PDZD2: variants seen among roughly 807,000 people sequenced by gnomAD.
PDZD2 encodes PDZ domain-containing protein 2.
PDZD2 carries 90 observed loss-of-function variants against 220.7 expected under a neutral mutation model. That is an observed-to-expected ratio of 0.41 (90% CI 0.34 to 0.49). The LOEUF is 0.49. PDZD2 is among the 20% of genes least tolerant of loss of function. The probability of loss-of-function intolerance (pLI) is 0.28; values close to 1 mark genes in which losing one functional copy is unlikely to be tolerated. For missense variants in PDZD2, 3,174 were observed against 3,608.5 expected (o/e 0.88, Z 3.08); for synonymous variants, 1,375 against 1,450.5 (o/e 0.95, Z 1.18).
chr5:31,700,154 G>A (rs1046281456), intron 1 of PDZD2, among the ~76,000 whole-genome samples: 1 of 152,186 alleles, frequency 6.6e-6, no homozygotes, highest in Non-Finnish European at 1.5e-5. Context: ...GACACGAGAT[G>A]TGAGAGAGAT....
chr5:31,890,806 G>A (rs1297886956), intron 2 of PDZD2, among the ~76,000 whole-genome samples: 2 of 152,176 alleles, frequency 1.3e-5, no homozygotes, highest in South Asian at 4.1e-4. Context: ...GGTGGAAACA[G>A]TAACTCCCCT....
intron 2 of PDZD2, among the ~76,000 whole-genome samples, chr5:31,919,746 C>T (rs2330880): frequency 0.89 from 129,977 of 145,684 alleles, 58,192 homozygotes; most frequent in East Asian, 0.98. Flanking sequence ...GGCACAGTGG[C>T]TCACACCTGT....
intron 2 of PDZD2, among the ~76,000 whole-genome samples, chr5:31,803,894 C>T (rs1050810846): frequency 1.4e-4 from 21 of 151,926 alleles, no homozygotes; most frequent in African/African-American, 5.1e-4. Context: ...TTTTAATTAG[C>T]TGGGCATGGT....
At chr5:31,699,186 G>A (rs538156310) in intron 1 of PDZD2, among the ~76,000 whole-genome samples, 7 of 152,168 alleles carry the variant, frequency 4.6e-5, no homozygotes, top group African/African-American at 1.2e-4. Flanking sequence ...AACCCGTCCC[G>A]TTCATTGTGG....
chr5:31,758,925 G>A lies in PDZD2; in HGVS notation c.-360-39964G>A, dbSNP rs143459048. On this transcript the variant is annotated intron_variant, in intron 1 of 24. Coordinates refer to ENST00000438447, the MANE Select transcript of PDZD2 (RefSeq NM_178140.4). ...CTGTTCCGCACCCGCCTCCACATGC[G>A]TTCCCTGGCTACACTGTGTTCCTGG... Among the ~76,000 whole-genome samples, 42 of 152,170 alleles carry A rather than the reference G, an allele frequency of 2.8e-4. No individual in the cohort carries two copies. The East Asian group carries it at 4.5e-3, about 16-fold the overall frequency.
intron 2 of PDZD2, among the ~76,000 whole-genome samples, chr5:31,805,202 TAAATA>T (rs1754644064): frequency 2.6e-5 from 4 of 152,120 alleles, no homozygotes; most frequent in Admixed American, 1.3e-4. Context: ...TGTCTCAAAA[TAAATA>T]AAATAAAAGG....
chr5:32,060,454 AAC>A (rs1165781101), intron 13 of PDZD2, among the ~76,000 whole-genome samples: 40 of 152,312 alleles, frequency 2.6e-4, no homozygotes, highest in African/African-American at 9.6e-4. Flanking sequence ...ATTGTTGGGT[AAC>A]CTTTGAGCCT....
chr5:31,878,852 C>T (rs994631901), intron 2 of PDZD2, among the ~76,000 whole-genome samples: 8 of 151,364 alleles, frequency 5.3e-5, no homozygotes, highest in Non-Finnish European at 1.2e-4. Flanking sequence ...TGAGCCACCG[C>T]GCCGGGCCGA....
chr5:31,893,091 A>G (rs1195077514), intron 2 of PDZD2, among the ~76,000 whole-genome samples: 3 of 152,034 alleles, frequency 2.0e-5, no homozygotes, highest in African/African-American at 7.2e-5. Flanking sequence ...ATTTTTTTGG[A>G]TAATCTTGAA....
At chr5:31,710,877 T>A (rs929703629) in intron 1 of PDZD2, among the ~76,000 whole-genome samples, 2 of 150,804 alleles carry the variant, frequency 1.3e-5, no homozygotes, top group African/African-American at 4.9e-5. Context: ...GTTATGGGAA[T>A]TAAAGGTGAT....
rs2150229332 is a variant in PDZD2, at chr5:31,799,234, C to T, written c.-15C>T. ...GCAAGACCTCTGATGATGCTGGTGT[C>T]TGGGAGTGAGCACCATGCCCATCAC... On this transcript the variant is annotated 5_prime_UTR_variant, in exon 2 of 25. Coordinates refer to ENST00000438447, the MANE Select transcript of PDZD2 (RefSeq NM_178140.4). 1 of 1,553,904 alleles carries T rather than the reference C, an allele frequency of 6.4e-7. No homozygotes were observed. Among genetic ancestry groups the T allele is most frequent in the South Asian group, 1.2e-5 (1 of 83,414 alleles).
intron 2 of PDZD2, among the ~76,000 whole-genome samples, chr5:31,849,940 A>ATAAG (rs1757867418): frequency 3.2e-5 from 1 of 31,470 alleles, no homozygotes; most frequent in African/African-American, 2.3e-4. Flanking sequence ...ATACACATAT[A>ATAAG]TATATATACA....
intron 2 of PDZD2, among the ~76,000 whole-genome samples, chr5:31,976,033 C>A (rs1749738440): frequency 6.6e-6 from 1 of 151,866 alleles, no homozygotes; most frequent in Admixed American, 6.6e-5. Flanking sequence ...TCTTACTAGA[C>A]AGTATTCAGC....
intron 1 of PDZD2, among the ~76,000 whole-genome samples, chr5:31,751,727 C>G (rs987452527): frequency 6.6e-6 from 1 of 152,168 alleles, no homozygotes; most frequent in Non-Finnish European, 1.5e-5. Flanking sequence ...GCCTGCCCCC[C>G]AGTTCCTTGG....
chr5:31,893,182 A>G lies in PDZD2; in HGVS notation c.477-89973A>G, dbSNP rs185334904. 1.2e-3 allele frequency among the ~76,000 whole-genome samples: 181 copies of G among 152,236 alleles called. 3 individuals are homozygous for G. Among genetic ancestry groups the G allele is most frequent in the African/African-American group, 4.2e-3 (173 of 41,524 alleles). ...TGTTTGTGTAGGCCTTGGCAGAATC[A>G]CATCTTGGTGAAGACCATAGATAGC... is the stretch of plus-strand genomic sequence containing the variant. On this transcript the variant is annotated intron_variant, in intron 2 of 24. Coordinates refer to ENST00000438447, the MANE Select transcript of PDZD2 (RefSeq NM_178140.4).
intron 1 of PDZD2, among the ~76,000 whole-genome samples, chr5:31,760,281 A>G (rs1325129408): frequency 6.6e-6 from 1 of 152,258 alleles, no homozygotes; most frequent in East Asian, 1.9e-4. Context: ...TTGAACAACA[A>G]TGAACCAAAC....
chr5:31,781,574 A>G (rs1432892615), intron 1 of PDZD2, among the ~76,000 whole-genome samples: 1 of 152,218 alleles, frequency 6.6e-6, no homozygotes, highest in Non-Finnish European at 1.5e-5. Flanking sequence ...AGCTGCTTAA[A>G]TTCATTCAAA....
chr5:31,831,488 C>T (rs1031528483), intron 2 of PDZD2, among the ~76,000 whole-genome samples: 1 of 152,028 alleles, frequency 6.6e-6, no homozygotes, highest in African/African-American at 2.4e-5. Flanking sequence ...GTGGCTCACG[C>T]CTATAATCCC....
chr5:32,073,339 C>T (rs1285747285), intron 17 of PDZD2, among the ~76,000 whole-genome samples: 1 of 151,548 alleles, frequency 6.6e-6, no homozygotes, highest in African/African-American at 2.4e-5. Context: ...AGACATAGGA[C>T]AGTTCATGCT....
Sources: allele counts gnomAD v4.1 joint callset (sites outside exome capture counted in the v4.1 genomes callset), GRCh38; gene constraint gnomAD v4.1.1; transcripts MANE v1.5; gene names NCBI Gene and HGNC (gene_info 2026-07-23, HGNC 2026-07-21).